METTL25B: variants seen among roughly 807,000 people sequenced by gnomAD.
METTL25B encodes methyltransferase like 25B.
A neutral mutation model predicts 48.4 loss-of-function variants in METTL25B; 38 were observed. The ratio of observed to expected loss-of-function variants is 0.78; its 90% CI spans 0.61 to 1.03. METTL25B has a LOEUF of 1.03. METTL25B is among the 50% of genes least tolerant of loss of function. The pLI is 0.00. For missense variants in METTL25B, 537 were observed against 603.7 expected (o/e 0.89, Z 1.16); for synonymous variants, 230 against 254.5 (o/e 0.90, Z 0.92).
In METTL25B at chr1:156,734,135, A is replaced by G; in HGVS notation, c.763A>G (p.Thr255Ala). The G allele has an allele frequency of 1.9e-6, 3 of 1,614,186 alleles. No individual in the cohort carries two copies. The highest frequency in any genetic ancestry group is 2.5e-6 in the Non-Finnish European group (3 of 1,180,034). ...PCQGRARLLL[T>A]GLHACGDLSV... ...TCAGGGCAGGGCCCGCTTGCTGCTC[A>G]CAGGCCTCCACGCCTGTGGGGATCT... The change falls in exon 6 of 8, where the codon ACA (threonine) becomes GCA (alanine). Residue 255 changes from threonine to alanine, a missense_variant. Thr to Ala is a moderately conservative substitution (Grantham distance 58, BLOSUM62 0). Transcript: ENST00000368216.
Position 156,728,541 on chromosome 1 carries a change from C to G in METTL25B, c.-564C>G, listed in dbSNP as rs1005298587. 2.0e-6 allele frequency: 2 copies of G among 985,620 alleles called. No individual in the cohort carries two copies. Among genetic ancestry groups the G allele is most frequent in the Non-Finnish European group, 2.4e-6 (2 of 829,910 alleles). 61.1% of individuals were successfully genotyped at this position (985,620 alleles called of 1,614,324 possible). A position where few individuals can be genotyped will look rare whatever the true frequency, so the allele number is the denominator to read the frequency against. On this transcript the variant is annotated 5_prime_UTR_variant, in exon 1 of 8. Coordinates refer to ENST00000368216, the MANE Select transcript of METTL25B (RefSeq NM_015997.4). Reference sequence around the variant, plus strand: ...CGCCAGAGGTCGGCGCGCGCACACCCGCACCGCCCCGACCCCAGGTAGTGA... The same window carrying G: ...CGCCAGAGGTCGGCGCGCGCACACCGGCACCGCCCCGACCCCAGGTAGTGA...
intron 7 of METTL25B, 21 bp from the exon 8 acceptor site, chr1:156,736,611 T>G (rs771635690): frequency 6.2e-7 from 1 of 1,613,460 alleles, no homozygotes; most frequent in Non-Finnish European, 8.5e-7. Context: ...CTTCCCCTTA[T>G]GATTAAGCCC....
intron 6 of METTL25B, among the ~76,000 whole-genome samples, chr1:156,735,345 C>T (rs1649659848): frequency 6.7e-6 from 1 of 148,518 alleles, no homozygotes; most frequent in African/African-American, 2.5e-5. Context: ...TTGGACAGAA[C>T]TGGCTGAAAA....
chr1:156,731,005 A>G (rs1310803874), intron 1 of METTL25B, among the ~76,000 whole-genome samples: 1 of 152,216 alleles, frequency 6.6e-6, no homozygotes, highest in African/African-American at 2.4e-5. Flanking sequence ...CTCAAATGTC[A>G]CCTCAGACAG....
chr1:156,729,306 G>T, intron 1 of METTL25B, 91 bp downstream of exon 1: 1 of 735,436 alleles, frequency 1.4e-6, no homozygotes, highest in South Asian at 1.5e-5. Context: ...ATTAGCCTCT[G>T]ATCTCTTTCC....
At chr1:156,735,415 C>T (rs1434875438) in intron 6 of METTL25B, among the ~76,000 whole-genome samples, 2 of 141,818 alleles carry the variant, frequency 1.4e-5, no homozygotes, top group Non-Finnish European at 3.0e-5. Context: ...TTCAAAAATA[C>T]ATGGCCAGGT....
chr1:156,733,872 C>T, intron 5 of METTL25B, 137 bp from the exon 6 acceptor site: 1 of 1,212,520 alleles, frequency 8.2e-7, no homozygotes, highest in South Asian at 1.5e-5. Flanking sequence ...GTGGTCCAGC[C>T]CCTCCCGCAC....
chr1:156,732,424 G>A lies in METTL25B; in HGVS notation c.380G>A (p.Arg127Gln), dbSNP rs118116867. Reference sequence around the variant, plus strand: ...AGCTCCCGACTAACAGCTCCATTCCGGAAACATGTCAGGCCCAAGAAGCAG... The same window carrying A: ...AGCTCCCGACTAACAGCTCCATTCCAGAAACATGTCAGGCCCAAGAAGCAG... ...SQSSRLTAPF[R>Q]KHVRPKKQHE... Residue 127 changes from arginine to glutamine, a missense_variant, in exon 3 of 8, where the codon CGG (arginine) becomes CAG (glutamine). Transcript: ENST00000368216. 1,043 of 1,614,140 alleles carry A rather than the reference G, an allele frequency of 6.5e-4. No homozygotes were observed. The highest frequency in any genetic ancestry group is 1.3e-3 in the East Asian group (58 of 44,874).
Position 156,733,503 on chromosome 1 carries a change from G to C in METTL25B, c.619G>C (p.Glu207Gln), listed in dbSNP as rs767114519. The stretch of plus-strand genomic sequence containing the variant: ...GCTTCTGCAGGCTCTGGAGAAAGAG[G>C]AGAAGAGGAACCCGCAGGTAGGCCA... ...QELLQALEKE[E>Q]KRNPQVVQTS... is the part of the protein sequence containing the mutation. Residue 207 changes from glutamate (E) to glutamine (Q), a missense_variant, in exon 5 of 8, where the codon GAG (glutamate) becomes CAG (glutamine). Coordinates refer to ENST00000368216, the MANE Select transcript of METTL25B (RefSeq NM_015997.4). 12 of 1,613,916 alleles carry C rather than the reference G, an allele frequency of 7.4e-6. No homozygotes were observed. The highest frequency in any genetic ancestry group is 5.9e-6 in the Non-Finnish European group (7 of 1,180,008).
chr1:156,732,849 C>T (rs1423764607), intron 3 of METTL25B, 136 bp from the exon 4 acceptor site: 4 of 755,066 alleles, frequency 5.3e-6, no homozygotes, highest in Non-Finnish European at 8.8e-6. Flanking sequence ...TCTTTCTTTC[C>T]AAATCTGTCT....
rs774755817 is a variant in METTL25B, at chr1:156,733,389, C to T, written c.505C>T (p.Arg169Cys). The T allele has an allele frequency of 8.7e-6, 14 of 1,613,962 alleles. No individual in the cohort carries two copies. The highest frequency in any genetic ancestry group is 2.2e-5 in the East Asian group (1 of 44,890). Residue 169 changes from arginine (R) to cysteine (C), a missense_variant, in exon 5 of 8, where the codon CGC (arginine) becomes TGC (cysteine). Physicochemically the swap from Arg to Cys is radical, Grantham distance 180. Transcript: ENST00000368216. ...CTCGTGACTCCAGGGCCATCTCTCC[C>T]GCTTCATGGCTCTTGGCCTGGGGTT... ...DVGSGQGHLS[R>C]FMALGLGLMV...
intron 6 of METTL25B, 47 bp from the exon 7 acceptor site, chr1:156,735,678 A>G: frequency 6.7e-7 from 1 of 1,497,032 alleles, no homozygotes. Flanking sequence ...GTGAGAGGTG[A>G]CAGTTCTTAA....
chr1:156,728,508 T>G lies in METTL25B; in HGVS notation c.-597T>G, dbSNP rs896029363. ...AAGCCCGGGAAGGCAGGCGCGCGGG[T>G]TAGAACGCGCCAGAGGTCGGCGCGC... is the stretch of plus-strand genomic sequence containing the variant. On this transcript the variant is annotated 5_prime_UTR_variant, in exon 1 of 8. Coordinates refer to ENST00000368216, the MANE Select transcript of METTL25B (RefSeq NM_015997.4). 1.1e-5 allele frequency: 11 copies of G among 985,176 alleles called. No homozygotes were observed. Among genetic ancestry groups the G allele is most frequent in the Middle Eastern group, 5.2e-4 (1 of 1,936 alleles). The allele number at this position is 985,176 out of a possible 1,614,324, so 61.0% of individuals were successfully genotyped here. A position where few individuals can be genotyped will look rare whatever the true frequency, so the allele number is the denominator to read the frequency against.
chr1:156,736,555 A>G (rs1458030633), intron 7 of METTL25B, 77 bp from the exon 8 acceptor site: 7 of 1,558,838 alleles, frequency 4.5e-6, no homozygotes, highest in African/African-American at 4.1e-5. Flanking sequence ...AAAAGGGACT[A>G]TGCCTACAGG....
chr1:156,736,780 CCAT>C lies in METTL25B; in HGVS notation c.*32_*34del, dbSNP rs1233834133. The C allele has an allele frequency of 6.2e-7, 1 of 1,601,542 alleles. No homozygotes were observed. Among genetic ancestry groups the C allele is most frequent in the Admixed American group, 1.7e-5 (1 of 59,378 alleles). On this transcript the variant is annotated 3_prime_UTR_variant, in exon 8 of 8. Transcript: ENST00000368216. ...GCAGCCTGAGGAAACATCTCAGACC[CCAT>C]CATCTGAAAGTGCCCAGAGAGCACA...
chr1:156,729,387 C>T, intron 1 of METTL25B, 172 bp downstream of exon 1: 2 of 493,798 alleles, frequency 4.1e-6, no homozygotes, highest in Non-Finnish European at 3.6e-6. Context: ...TTTTTTTCAG[C>T]TGACATAAAT....
intron 6 of METTL25B, among the ~76,000 whole-genome samples, chr1:156,734,767 G>A (rs980273779): frequency 1.3e-5 from 2 of 151,572 alleles, no homozygotes; most frequent in Non-Finnish European, 2.9e-5. Context: ...TCCTGACCTG[G>A]TGGTCCGCCC....
chr1:156,735,930 G>C, intron 7 of METTL25B, 21 bp downstream of exon 7: 1 of 1,598,980 alleles, frequency 6.3e-7, no homozygotes, highest in Non-Finnish European at 8.5e-7. Flanking sequence ...CCTACAGCAG[G>C]GACCCAAGGA....
intron 1 of METTL25B, among the ~76,000 whole-genome samples, chr1:156,730,949 G>A (rs1274709499): frequency 6.6e-6 from 1 of 152,192 alleles, no homozygotes; most frequent in Non-Finnish European, 1.5e-5. Flanking sequence ...GCTATTACCT[G>A]TATTTTCTTT....
Sources: gnomAD v4.1 joint callset for allele counts (sites outside exome capture counted in the v4.1 genomes callset) on GRCh38, gnomAD v4.1.1 for gene constraint, MANE v1.5 for transcripts, NCBI Gene and HGNC (gene_info 2026-07-23, HGNC 2026-07-21) for gene names.